The following NYAP2 variants were observed in gnomAD, a reference collection of about 807,000 sequenced individuals.
The protein encoded by NYAP2 is neuronal tyrosine-phosphorylated phosphoinositide-3-kinase adaptor 2.
In NYAP2, 23 loss-of-function variants were observed where a neutral mutation model predicts 50.4. The ratio of observed to expected loss-of-function variants is 0.46; its 90% CI spans 0.33 to 0.65. The LOEUF (loss-of-function observed/expected upper bound fraction) is 0.65. NYAP2 is among the 30% of genes least tolerant of loss of function. The pLI is 0.02. For synonymous variants in NYAP2, 394 were observed against 365.2 expected (o/e 1.08, Z -0.90); for missense variants, 885 against 861.0 (o/e 1.03, Z -0.35).
At chr2:225,551,665 T>C (rs557778606) in intron 4 of NYAP2, among the ~76,000 whole-genome samples, 2 of 152,190 alleles carry the variant, frequency 1.3e-5, no homozygotes, top group African/African-American at 4.8e-5. Context: ...TAAATTTAGA[T>C]GTTTATTATG....
At chr2:225,692,038 T>A in the NYAP2 span, among the ~76,000 whole-genome samples, 1 of 152,070 alleles carries the variant, frequency 6.6e-6, no homozygotes, top group Non-Finnish European at 1.5e-5. Flanking sequence ...GAAATTAAAT[T>A]TTACTCTCAC....
At chr2:225,560,873 A>C (rs1237211627) in intron 4 of NYAP2, among the ~76,000 whole-genome samples, 1 of 151,018 alleles carries the variant, frequency 6.6e-6, no homozygotes, top group African/African-American at 2.4e-5. Flanking sequence ...TTTTATAAAT[A>C]AATTTGCTGT....
chr2:225,473,492 A>G (rs960789964), intron 3 of NYAP2, among the ~76,000 whole-genome samples: 7 of 152,144 alleles, frequency 4.6e-5, no homozygotes, highest in African/African-American at 9.7e-5. Context: ...CTTTTTAATG[A>G]TCACCATTCT....
At chr2:225,697,212 C>G in the NYAP2 span, among the ~76,000 whole-genome samples, 1 of 151,896 alleles carries the variant, frequency 6.6e-6, no homozygotes, top group Non-Finnish European at 1.5e-5. Context: ...TACCTGGAAG[C>G]AGTGGTTACT....
chr2:225,498,807 C>A (rs996916366), intron 3 of NYAP2, among the ~76,000 whole-genome samples: 1 of 152,038 alleles, frequency 6.6e-6, no homozygotes, highest in African/African-American at 2.4e-5. Flanking sequence ...AGCATTTGTT[C>A]TCTGTGACTG....
chr2:225,603,633 A>G (rs1360251415), intron 5 of NYAP2, among the ~76,000 whole-genome samples: 3 of 152,024 alleles, frequency 2.0e-5, no homozygotes, highest in Admixed American at 6.6e-5. Flanking sequence ...ACATTGCTCC[A>G]TTCTGGTTCT....
the NYAP2 span, among the ~76,000 whole-genome samples, chr2:225,686,411 A>T: frequency 6.6e-6 from 1 of 152,100 alleles, no homozygotes; most frequent in Non-Finnish European, 1.5e-5. Context: ...TCACGGGTGA[A>T]GACTTTCTCC....
intron 3 of NYAP2, among the ~76,000 whole-genome samples, chr2:225,503,958 A>G (rs1308348148): frequency 6.6e-6 from 1 of 152,140 alleles, no homozygotes; most frequent in African/African-American, 2.4e-5. Context: ...AACAAAATGT[A>G]TTGATATGAT....
the NYAP2 span, among the ~76,000 whole-genome samples, chr2:225,696,907 AG>A: frequency 3.3e-5 from 5 of 151,964 alleles, no homozygotes; most frequent in Non-Finnish European, 7.4e-5. Flanking sequence ...CATTTTGATG[AG>A]GAATAAATGA....
intron 3 of NYAP2, among the ~76,000 whole-genome samples, chr2:225,457,899 T>C (rs1689764365): frequency 6.6e-6 from 1 of 152,226 alleles, no homozygotes; most frequent in Non-Finnish European, 1.5e-5. Context: ...AGTACTCATC[T>C]ATGATGTTTT....
chr2:225,599,509 G>A (rs556283045), intron 5 of NYAP2, among the ~76,000 whole-genome samples: 17 of 148,856 alleles, frequency 1.1e-4, no homozygotes, highest in Non-Finnish European at 2.3e-4. Flanking sequence ...GAGCACACTG[G>A]GCCTCCATCA....
chr2:225,545,222 T>A (rs1478813602), intron 4 of NYAP2, among the ~76,000 whole-genome samples: 1 of 152,208 alleles, frequency 6.6e-6, no homozygotes, highest in African/African-American at 2.4e-5. Flanking sequence ...AATGTTGATA[T>A]CCTTCTCTAT....
intron 3 of NYAP2, among the ~76,000 whole-genome samples, chr2:225,426,256 C>T (rs1344284517): frequency 1.3e-5 from 2 of 151,962 alleles, no homozygotes; most frequent in Non-Finnish European, 2.9e-5. Context: ...CATTCTTCCT[C>T]GCTGTGTGAT....
chr2:225,529,842 A>G (rs1203100543), intron 4 of NYAP2, among the ~76,000 whole-genome samples: 2 of 152,066 alleles, frequency 1.3e-5, no homozygotes, highest in African/African-American at 2.4e-5. Flanking sequence ...TGAGTAGCTA[A>G]GAGTACAGGT....
At chr2:225,527,478 G>A (rs891276327) in intron 4 of NYAP2, among the ~76,000 whole-genome samples, 3 of 152,106 alleles carry the variant, frequency 2.0e-5, no homozygotes, top group African/African-American at 7.2e-5. Context: ...CATAGTTGTT[G>A]GCAAAACTTC....
At chr2:225,671,886 T>C in the NYAP2 span, among the ~76,000 whole-genome samples, 1 of 152,120 alleles carries the variant, frequency 6.6e-6, no homozygotes, top group African/African-American at 2.4e-5. Flanking sequence ...CAATGAACAG[T>C]AATATTTTGA....
chr2:225,550,320 C>G (rs897618018), intron 4 of NYAP2, among the ~76,000 whole-genome samples: 1 of 150,522 alleles, frequency 6.6e-6, no homozygotes, highest in African/African-American at 2.5e-5. Context: ...TTTCACTTTC[C>G]TTACAGTATT....
At chr2:225,539,956 A>G (rs1327941680) in intron 4 of NYAP2, among the ~76,000 whole-genome samples, 1 of 152,188 alleles carries the variant, frequency 6.6e-6, no homozygotes, top group East Asian at 1.9e-4. Flanking sequence ...TCTCAAGTTC[A>G]AAGTTCCACA....
intron 6 of NYAP2, among the ~76,000 whole-genome samples, chr2:225,634,523 G>A (rs1187821883): frequency 6.6e-6 from 1 of 151,788 alleles, no homozygotes; most frequent in Non-Finnish European, 1.5e-5. Flanking sequence ...TCAGAAAAGT[G>A]AAAAACAGAT....
Sources: allele counts gnomAD v4.1 joint callset (sites outside exome capture counted in the v4.1 genomes callset), GRCh38; gene constraint gnomAD v4.1.1; transcripts MANE v1.5; gene names NCBI Gene and HGNC (gene_info 2026-07-23, HGNC 2026-07-21).